IST1: variants seen among roughly 807,000 people sequenced by gnomAD.
IST1 encodes IST1 homolog.
In IST1, 23 loss-of-function variants were observed where a neutral mutation model predicts 37.0. The observed-to-expected ratio is 0.62, with a 90% confidence interval of 0.45 to 0.88. IST1 has a LOEUF of 0.88. IST1 is among the 40% of genes least tolerant of loss of function. The probability of loss-of-function intolerance (pLI) is 0.00; values close to 1 mark genes in which losing one functional copy is unlikely to be tolerated. For missense variants in IST1, 488 were observed against 445.4 expected, an observed-to-expected ratio of 1.10 and a Z score of -0.86; for synonymous variants, 180 against 161.7, an observed-to-expected ratio of 1.11 and a Z score of -0.86.
chr16:71,912,925 T>G (rs2037389820), intron 1 of IST1, among the ~76,000 whole-genome samples: 1 of 152,188 alleles, frequency 6.6e-6, no homozygotes, highest in South Asian at 2.1e-4. Context: ...ATGTGATGGG[T>G]AGGATTTCCT....
At chr16:71,898,329 A>G (rs921312840) in intron 1 of IST1, among the ~76,000 whole-genome samples, 18 of 143,614 alleles carry the variant, frequency 1.3e-4, no homozygotes, top group African/African-American at 3.1e-4. Flanking sequence ...ATGTGCCAAG[A>G]TTGCACCACC....
intron 1 of IST1, among the ~76,000 whole-genome samples, chr16:71,913,057 G>T (rs575037190): frequency 1.3e-5 from 2 of 152,294 alleles, no homozygotes; most frequent in Non-Finnish European, 1.5e-5. Context: ...AATGCTGCTG[G>T]GAACATAGGT....
intron 1 of IST1, among the ~76,000 whole-genome samples, chr16:71,909,356 G>A (rs570410457): frequency 5.9e-5 from 9 of 152,118 alleles, no homozygotes; most frequent in Non-Finnish European, 7.4e-5. Flanking sequence ...CCTCCTGCCC[G>A]GACCTCCCAA....
At chr16:71,906,089 T>C (rs897950032) in intron 1 of IST1, among the ~76,000 whole-genome samples, 17 of 151,122 alleles carry the variant, frequency 1.1e-4, no homozygotes, top group Non-Finnish European at 2.2e-4. Flanking sequence ...CTGCAGCCTC[T>C]GCCTCCCAGG....
chr16:71,919,563 C>CT (rs1484608682), intron 4 of IST1, among the ~76,000 whole-genome samples: 9 of 152,094 alleles, frequency 5.9e-5, no homozygotes, highest in Admixed American at 5.9e-4. Context: ...ATTTTTGTAT[C>CT]TTTTAAAAAT....
intron 1 of IST1, chr16:71,903,605 G>T (rs1344372898): frequency 6.6e-6 from 1 of 152,090 alleles, no homozygotes; most frequent in Non-Finnish European, 1.5e-5. Context: ...AGGTCTTACT[G>T]TGTTACTCAG....
In IST1 at chr16:71,927,794, A is replaced by T. The variant is rs761302097; in HGVS notation, c.1082A>T (p.Glu361Val). 2 of 1,613,994 alleles carry T rather than the reference A, an allele frequency of 1.2e-6. No individual in the cohort carries two copies. Among genetic ancestry groups the T allele is most frequent in the Non-Finnish European group, 1.7e-6 (2 of 1,179,916 alleles). Residue 361 changes from glutamate (E) to valine (V), a missense_variant, in exon 10 of 10, where the codon GAG (glutamate) becomes GTG (valine). By Grantham distance (121) the Glu-to-Val change is moderately radical. Transcript: ENST00000378799. ...DFDDLSRRFE[E>V]LKKKT ...GATGATCTTTCCCGGAGGTTTGAAGAGCTGAAAAAGAAAACATAGGTCTCT... is the reference window on the plus strand; with the variant it reads ...GATGATCTTTCCCGGAGGTTTGAAGTGCTGAAAAAGAAAACATAGGTCTCT...
chr16:71,894,716 TGTAGCGATGCGG>T, upstream of IST1: 5 of 557,206 alleles, frequency 9.0e-6, no homozygotes, highest in Admixed American at 3.5e-5. Flanking sequence ...TTTTTTTTTT[TGTAGCGATGCGG>T]TTTCACTATG....
rs1053563986 is a variant in IST1 at position 71,899,679 on chromosome 16, C to T, written c.-16+4090C>T. ...TCACCTGAGGTCAGGAGTTTGAGAC[C>T]AGCCTAGCCAACATGGTGAAACCCT... On this transcript the variant is annotated intron_variant, in intron 1 of 9. Transcript: ENST00000378799. Among the ~76,000 whole-genome samples the T allele has an allele frequency of 6.6e-5, 10 of 151,182 alleles. No homozygotes were observed. The South Asian group carries it at 2.1e-3, about 32-fold the overall frequency.
intron 1 of IST1, among the ~76,000 whole-genome samples, chr16:71,905,880 T>G (rs1258270593): frequency 6.6e-6 from 1 of 152,248 alleles, no homozygotes; most frequent in Non-Finnish European, 1.5e-5. Context: ...AAACATATTT[T>G]AAGAGACTTG....
At chr16:71,920,306 C>G (rs1250580434) in intron 4 of IST1, among the ~76,000 whole-genome samples, 2 of 152,152 alleles carry the variant, frequency 1.3e-5, no homozygotes, top group Non-Finnish European at 2.9e-5. Flanking sequence ...TATTTAACAG[C>G]TACATAGGAT....
chr16:71,924,407 A>G (rs2037687569), intron 8 of IST1: 4 of 395,498 alleles, frequency 1.0e-5, no homozygotes, highest in South Asian at 8.5e-5. Flanking sequence ...CCTGGGCAAC[A>G]TGGCGAAACC....
At chr16:71,912,451 A>G (rs554134862) in intron 1 of IST1, among the ~76,000 whole-genome samples, 1 of 151,938 alleles carries the variant, frequency 6.6e-6, no homozygotes, top group East Asian at 1.9e-4. Flanking sequence ...GTTAGCCAGG[A>G]TGGTCTCGAT....
chr16:71,921,289 G>A (rs1597253221), intron 5 of IST1, 54 bp from the exon 6 acceptor site: 21 of 1,044,194 alleles, frequency 2.0e-5, no homozygotes, highest in Non-Finnish European at 3.0e-5. Context: ...AGTGAGGTGA[G>A]GATTAGGCTG....
intron 4 of IST1, among the ~76,000 whole-genome samples, chr16:71,919,429 G>C (rs1374040821): frequency 6.6e-6 from 1 of 152,174 alleles, no homozygotes; most frequent in Non-Finnish European, 1.5e-5. Flanking sequence ...TGTCACCCAG[G>C]CTGGAGTGCA....
chr16:71,903,839 G>C (rs541297362), intron 1 of IST1, among the ~76,000 whole-genome samples: 2 of 152,296 alleles, frequency 1.3e-5, no homozygotes, highest in Admixed American at 6.5e-5. Flanking sequence ...TCAGTTCACT[G>C]TCCTTGTTTG....
chr16:71,924,999 G>A (rs2037704474), intron 9 of IST1, among the ~76,000 whole-genome samples, 182 bp downstream of exon 9: 1 of 150,984 alleles, frequency 6.6e-6, no homozygotes, highest in Middle Eastern at 3.5e-3. Context: ...AATCCTAAGT[G>A]ATAGCTCAGT....
intron 4 of IST1, among the ~76,000 whole-genome samples, chr16:71,918,982 G>A (rs2037523285): frequency 6.6e-6 from 1 of 152,168 alleles, no homozygotes; most frequent in African/African-American, 2.4e-5. Flanking sequence ...CAATGCTACT[G>A]TCGTTTCCTG....
rs1417172287 is a variant in IST1, at chr16:71,922,630, C to A, written c.709C>A (p.Pro237Thr). ...TVPMPMPMPMPMPSANTPFSY... is the reference protein window; with the variant it reads ...TVPMPMPMPMTMPSANTPFSY... ...GCCAATGCCCATGCCCATGCCCATG[C>A]CTATGCCATCTGCAAATACGCCTTT... Residue 237 changes from proline to threonine, a missense_variant, in exon 7 of 10, where the codon CCT (proline) becomes ACT (threonine). Transcript: ENST00000378799. 6.4e-7 allele frequency: 1 copy of A among 1,555,010 alleles called. No homozygotes were observed. Among genetic ancestry groups the A allele is most frequent in the African/African-American group, 1.4e-5 (1 of 74,052 alleles).
Sources: allele counts gnomAD v4.1 joint callset (sites outside exome capture counted in the v4.1 genomes callset), GRCh38; gene constraint gnomAD v4.1.1; transcripts MANE v1.5; gene names NCBI Gene and HGNC (gene_info 2026-07-23, HGNC 2026-07-21).